The following CACNA2D3 variants were observed in gnomAD, a reference collection of about 807,000 sequenced individuals.
CACNA2D3 encodes the protein calcium voltage-gated channel auxiliary subunit alpha2delta 3, also known as voltage-dependent calcium channel subunit alpha-2/delta-3.
A neutral mutation model predicts 160.6 loss-of-function variants in CACNA2D3; 60 were observed. The observed-to-expected ratio is 0.37, with a 90% confidence interval of 0.30 to 0.46. CACNA2D3 has a LOEUF of 0.46. Ranked by LOEUF, CACNA2D3 falls within the 20% of genes least tolerant of loss-of-function variation. The pLI, the probability that CACNA2D3 is intolerant of heterozygous loss-of-function variation, is 1.00. For synonymous variants in CACNA2D3, 558 were observed against 492.9 expected, an observed-to-expected ratio of 1.13 and a Z score of -1.75; for missense variants, 1,205 against 1,365.0, an observed-to-expected ratio of 0.88 and a Z score of 1.85.
intron 8 of CACNA2D3, among the ~76,000 whole-genome samples, chr3:54,570,438 C>G (rs1702477418): frequency 6.6e-6 from 1 of 152,050 alleles, no homozygotes; most frequent in African/African-American, 2.4e-5. Context: ...CACCAAACCA[C>G]TAGAATTTCT....
At chr3:55,073,908 G>A (rs767573127) in intron 37 of CACNA2D3, 49 bp downstream of exon 37, 70 of 1,466,392 alleles carry the variant, frequency 4.8e-5, no homozygotes, top group Admixed American at 6.9e-5. Flanking sequence ...GAATCACCAC[G>A]AGAGTCTCAC....
intron 2 of CACNA2D3, among the ~76,000 whole-genome samples, chr3:54,276,609 A>G (rs1490035792): frequency 2.0e-5 from 3 of 150,754 alleles, no homozygotes; most frequent in Non-Finnish European, 4.4e-5. Flanking sequence ...AGAAAGAGAG[A>G]GCCATTAGAG....
intron 2 of CACNA2D3, among the ~76,000 whole-genome samples, chr3:54,168,426 G>A (rs4928005): frequency 0.44 from 67,436 of 152,028 alleles, 15,080 homozygotes; most frequent in South Asian, 0.57. Context: ...GTGAACAGCC[G>A]CGCAGTGATG....
chr3:54,567,134 G>A (rs1243990937), intron 6 of CACNA2D3, among the ~76,000 whole-genome samples: 1 of 152,132 alleles, frequency 6.6e-6, no homozygotes, highest in East Asian at 1.9e-4. Context: ...TAATCTCTCA[G>A]GAGATTGGCA....
intron 34 of CACNA2D3, among the ~76,000 whole-genome samples, chr3:55,016,248 C>T (rs2048807): frequency 0.49 from 74,400 of 151,918 alleles, 19,778 homozygotes; most frequent in Non-Finnish European, 0.59. Flanking sequence ...TCAAAAAGCC[C>T]GACTCCATGA....
At chr3:54,228,225 A>G (rs958987297) in intron 2 of CACNA2D3, among the ~76,000 whole-genome samples, 2 of 152,202 alleles carry the variant, frequency 1.3e-5, no homozygotes, top group African/African-American at 4.8e-5. Flanking sequence ...AGGGCTGTTC[A>G]AAGGTTCAGT....
At chr3:54,232,736 T>C (rs1247134327) in intron 2 of CACNA2D3, among the ~76,000 whole-genome samples, 1 of 152,190 alleles carries the variant, frequency 6.6e-6, no homozygotes, top group Admixed American at 6.5e-5. Context: ...GTAGATCACA[T>C]GAACATTTTG....
At chr3:54,598,127 T>TA (rs746815735) in intron 9 of CACNA2D3, among the ~76,000 whole-genome samples, 2,599 of 140,304 alleles carry the variant, frequency 0.019, 176 homozygotes, top group Admixed American at 0.13. Flanking sequence ...CTATCTCTAC[T>TA]AAAAAAAAAA....
chr3:54,861,299 T>G (rs1699286283), intron 17 of CACNA2D3, among the ~76,000 whole-genome samples: 1 of 151,656 alleles, frequency 6.6e-6, no homozygotes. Flanking sequence ...CGACCCTAAG[T>G]TGGAGTAAAG....
At chr3:54,226,927 A>G (rs1701684444) in intron 2 of CACNA2D3, among the ~76,000 whole-genome samples, 1 of 152,226 alleles carries the variant, frequency 6.6e-6, no homozygotes, top group South Asian at 2.1e-4. Context: ...TGTTCTCAGT[A>G]GGAGTGTTTG....
At chr3:54,354,201 A>G (rs906887784) in intron 3 of CACNA2D3, among the ~76,000 whole-genome samples, 4 of 152,132 alleles carry the variant, frequency 2.6e-5, no homozygotes, top group African/African-American at 9.7e-5. Context: ...TTTTCTCCTT[A>G]GAGTTATTGG....
At chr3:54,778,557 A>C (rs1309157344) in intron 13 of CACNA2D3, among the ~76,000 whole-genome samples, 1 of 152,184 alleles carries the variant, frequency 6.6e-6, no homozygotes, top group Non-Finnish European at 1.5e-5. Flanking sequence ...TTTCCAAAGC[A>C]TGTAGCACCA....
chr3:54,563,002 G>T (rs1301478520), intron 6 of CACNA2D3, 71 bp downstream of exon 6: 45 of 1,437,170 alleles, frequency 3.1e-5, no homozygotes, highest in African/African-American at 4.3e-5. Flanking sequence ...TTTCTTTAGG[G>T]TTCAAGGTTA....
At chr3:54,464,855 C>G (rs1439804775) in intron 4 of CACNA2D3, among the ~76,000 whole-genome samples, 1 of 152,190 alleles carries the variant, frequency 6.6e-6, no homozygotes, top group Non-Finnish European at 1.5e-5. Context: ...AGAAATCACC[C>G]CTCTTCTGCG....
intron 3 of CACNA2D3, among the ~76,000 whole-genome samples, chr3:54,331,574 A>G (rs886643563): frequency 2.6e-5 from 4 of 152,232 alleles, no homozygotes; most frequent in African/African-American, 4.8e-5. Context: ...CCAAGACACT[A>G]TGCTATGCTT....
At position 54,878,450 on chromosome 3, in the gene CACNA2D3, A is replaced by G. The variant is rs576168125; in HGVS notation, c.1711-568A>G. On this transcript the variant is annotated intron_variant, in intron 18 of 37. Coordinates refer to ENST00000474759, the MANE Select transcript of CACNA2D3 (RefSeq NM_018398.3). ...AAACAGGACCTCCAAAAAATCAGAT[A>G]CAGGGTCGCTCCTGTTCACTGCCTC... Among the ~76,000 whole-genome samples the G allele has an allele frequency of 9.2e-5, 14 of 152,176 alleles. No homozygotes were observed. The South Asian group carries it at 2.7e-3, about 29-fold the overall frequency.
chr3:54,746,112 C>T (rs1462828378), intron 11 of CACNA2D3, among the ~76,000 whole-genome samples: 1 of 152,146 alleles, frequency 6.6e-6, no homozygotes, highest in African/African-American at 2.4e-5. Context: ...ATAACTGTCT[C>T]CTTTGGAGTC....
At chr3:54,927,443 C>T (rs904606088) in intron 27 of CACNA2D3, among the ~76,000 whole-genome samples, 1 of 152,176 alleles carries the variant, frequency 6.6e-6, no homozygotes, top group African/African-American at 2.4e-5. Context: ...CAGTAATGAA[C>T]GGACACCCCT....
At chr3:54,563,803 C>T (rs1702365324) in intron 6 of CACNA2D3, among the ~76,000 whole-genome samples, 1 of 152,080 alleles carries the variant, frequency 6.6e-6, no homozygotes, top group Admixed American at 6.5e-5. Context: ...TGATGCCTTC[C>T]CACTTTGAGG....
Sources: gnomAD v4.1 joint callset for allele counts (sites outside exome capture counted in the v4.1 genomes callset) on GRCh38, gnomAD v4.1.1 for gene constraint, MANE v1.5 for transcripts, NCBI Gene and HGNC (gene_info 2026-07-23, HGNC 2026-07-21) for gene names.